TSHZ3: variants seen among roughly 807,000 people sequenced by gnomAD.
TSHZ3 encodes the protein teashirt homolog 3.
Under a neutral mutation model 64.5 loss-of-function variants are expected in TSHZ3, and 10 were observed. That is an observed-to-expected ratio of 0.16 (90% CI 0.10 to 0.26). The LOEUF (loss-of-function observed/expected upper bound fraction) is 0.26, where lower values mean the gene tolerates loss of function less well. Ranked by LOEUF, TSHZ3 falls within the 10% of genes least tolerant of loss-of-function variation. The probability of loss-of-function intolerance (pLI) is 1.00; values close to 1 mark genes in which losing one functional copy is unlikely to be tolerated. For synonymous variants in TSHZ3, 608 were observed against 593.1 expected (o/e 1.03, Z -0.36); for missense variants, 1,242 against 1,421.7 (o/e 0.87, Z 2.03).
At chr19:31,298,253 T>C (rs1193888173) in intron 1 of TSHZ3, among the ~76,000 whole-genome samples, 1 of 152,094 alleles carries the variant, frequency 6.6e-6, no homozygotes, top group Non-Finnish European at 1.5e-5. Context: ...TTCTCACCTC[T>C]GCATCCCCAT....
At chr19:31,313,124 G>A (rs1219930248) in intron 1 of TSHZ3, among the ~76,000 whole-genome samples, 2 of 152,108 alleles carry the variant, frequency 1.3e-5, no homozygotes, top group East Asian at 3.9e-4. Context: ...TTGGGGGCAA[G>A]GAACAGTCAC....
intron 1 of TSHZ3, among the ~76,000 whole-genome samples, chr19:31,249,011 A>T (rs951090817): frequency 6.6e-6 from 1 of 151,740 alleles, no homozygotes; most frequent in African/African-American, 2.4e-5. Context: ...AGCCCCTAGA[A>T]CCTGCTCAAG....
At chr19:31,318,132 A>G (rs530093064) in intron 1 of TSHZ3, among the ~76,000 whole-genome samples, 2 of 152,336 alleles carry the variant, frequency 1.3e-5, no homozygotes, top group South Asian at 2.1e-4. Context: ...TATCTGCAAA[A>G]TGTTCTTGCA....
rs973563065 is a variant in TSHZ3, at chr19:31,287,007, GC to G, written c.41-7256del. On this transcript the variant is annotated intron_variant, in intron 1 of 1. Transcript: ENST00000240587. ...GTGTCATATAAATATAAAACAGTAA[GC>G]TGGGGCATAACGGAATTCATTTCTG... Among the ~76,000 whole-genome samples the G allele has an allele frequency of 4.3e-4, 66 of 152,338 alleles. 1 individual carries two copies. Among genetic ancestry groups the G allele is most frequent in the African/African-American group, 1.6e-3 (66 of 41,576 alleles).
chr19:31,304,488 C>T (rs1038810308), intron 1 of TSHZ3, among the ~76,000 whole-genome samples: 1 of 148,588 alleles, frequency 6.7e-6, no homozygotes, highest in Non-Finnish European at 1.5e-5. Context: ...AACTGTCAAA[C>T]TGGGACCATA....
chr19:31,279,821 A>G lies in TSHZ3; in HGVS notation c.41-69T>C. ...TGAAGAGAGACAGGGAGAAGGAGAG[A>G]AAGAAAAAAAAAAGCATTAGTACTT... On this transcript the variant is annotated intron_variant, in intron 1 of 1. Coordinates refer to ENST00000240587, the MANE Select transcript of TSHZ3 (RefSeq NM_020856.4). The surrounding 1 kb of genome is among the most constrained non-coding windows in gnomAD (Gnocchi z 6.4). The G allele has an allele frequency of 7.3e-7, 1 of 1,366,338 alleles. No individual in the cohort carries two copies. The highest frequency in any genetic ancestry group is 1.8e-5 in the South Asian group (1 of 55,240). 84.6% of individuals were successfully genotyped at this position (1,366,338 alleles called of 1,614,324 possible). A position where few individuals can be genotyped will look rare whatever the true frequency, so the allele number is the denominator to read the frequency against.
intron 3 of TSHZ3, among the ~76,000 whole-genome samples, chr19:31,240,778 C>G (rs561478411): frequency 6.6e-6 from 1 of 151,866 alleles, no homozygotes; most frequent in East Asian, 1.9e-4. Context: ...CTTTCTCTGC[C>G]CAGTTATAAT....
chr19:31,185,814 T>C (rs925379605), intron 5 of TSHZ3, among the ~76,000 whole-genome samples: 3 of 152,224 alleles, frequency 2.0e-5, no homozygotes, highest in Non-Finnish European at 2.9e-5. Flanking sequence ...TCATTATCCT[T>C]CCCAGTCAGT....
chr19:31,211,482 G>A (rs571647604), intron 4 of TSHZ3, among the ~76,000 whole-genome samples: 194 of 152,284 alleles, frequency 1.3e-3, no homozygotes, highest in Non-Finnish European at 2.1e-3. Context: ...ATGACTGTGG[G>A]CTCCTGGACC....
chr19:31,328,578 A>G (rs908964111), intron 1 of TSHZ3, among the ~76,000 whole-genome samples: 2 of 152,234 alleles, frequency 1.3e-5, no homozygotes, highest in Non-Finnish European at 2.9e-5. Flanking sequence ...AGTTCTGAGA[A>G]CATCTTATTC....
intron 1 of TSHZ3, among the ~76,000 whole-genome samples, chr19:31,320,975 C>A (rs370363273): frequency 1.4e-4 from 22 of 152,276 alleles, no homozygotes; most frequent in African/African-American, 5.1e-4. Context: ...GTCATCCGGC[C>A]CAGAGCCTCA....
chr19:31,256,649 G>A (rs1975914817), intron 1 of TSHZ3, among the ~76,000 whole-genome samples: 1 of 152,128 alleles, frequency 6.6e-6, no homozygotes, highest in Non-Finnish European at 1.5e-5. Context: ...TCTACCATGT[G>A]CCAGGCACAG....
intron 1 of TSHZ3, among the ~76,000 whole-genome samples, chr19:31,308,123 T>G (rs1916350775): frequency 6.6e-6 from 1 of 152,166 alleles, no homozygotes; most frequent in Non-Finnish European, 1.5e-5. Context: ...AAAGCAGAAT[T>G]GAAATCCCTA....
intron 5 of TSHZ3, among the ~76,000 whole-genome samples, chr19:31,198,247 AT>A (rs1281849195): frequency 6.6e-6 from 1 of 152,108 alleles, no homozygotes; most frequent in Admixed American, 6.5e-5. Context: ...CAAATCTAAC[AT>A]CACTTATGAT....
intron 1 of TSHZ3, 40 bp downstream of exon 1, chr19:31,349,140 G>A (rs1287490541): frequency 6.5e-7 from 1 of 1,532,232 alleles, no homozygotes; most frequent in South Asian, 1.2e-5. Flanking sequence ...AGCGGAGGAA[G>A]AGGAGGAGGA....
At chr19:31,307,624 C>A (rs562507487) in intron 1 of TSHZ3, among the ~76,000 whole-genome samples, 1 of 152,158 alleles carries the variant, frequency 6.6e-6, no homozygotes, top group East Asian at 1.9e-4. Flanking sequence ...GTGGGTCAGT[C>A]GTACACAAAC....
At chr19:31,259,352 CTT>C (rs1319731124) in intron 1 of TSHZ3, among the ~76,000 whole-genome samples, 1 of 152,096 alleles carries the variant, frequency 6.6e-6, no homozygotes, top group African/African-American at 2.4e-5. Context: ...TCATTGTACT[CTT>C]TTTCAATCCC....
intron 5 of TSHZ3, among the ~76,000 whole-genome samples, chr19:31,192,877 G>T (rs938598273): frequency 6.6e-6 from 1 of 152,128 alleles, no homozygotes; most frequent in Non-Finnish European, 1.5e-5. Context: ...ACTCCTTTTT[G>T]ATGAAAACAG....
chr19:31,233,001 CTAT>C (rs908310352), intron 3 of TSHZ3, among the ~76,000 whole-genome samples: 22 of 152,286 alleles, frequency 1.4e-4, no homozygotes, highest in Admixed American at 5.2e-4. Flanking sequence ...AGACTTAAAA[CTAT>C]TATGAATAAA....
Sources: gnomAD v4.1 joint callset for allele counts (sites outside exome capture counted in the v4.1 genomes callset) on GRCh38, gnomAD v4.1.1 for gene constraint, Gnocchi (gnomAD v3.1) non-coding constraint, MANE v1.5 for transcripts, NCBI Gene and HGNC (gene_info 2026-07-23, HGNC 2026-07-21) for gene names.